HSPA12B: variants seen among roughly 807,000 people sequenced by gnomAD.
The protein encoded by HSPA12B is heat shock 70 kDa protein 12B.
A neutral mutation model predicts 69.3 loss-of-function variants in HSPA12B; 54 were observed. The ratio of observed to expected loss-of-function variants is 0.78; its 90% confidence interval spans 0.63 to 0.98. HSPA12B has a LOEUF of 0.98. HSPA12B is among the 50% of genes least tolerant of loss of function. The pLI, the probability that HSPA12B is intolerant of heterozygous loss-of-function variation, is 0.00. For missense variants in HSPA12B, 929 were observed against 999.8 expected (o/e 0.93, Z 0.96); for synonymous variants, 441 against 436.5 (o/e 1.01, Z -0.13).
At position 3,748,404 on chromosome 20, in the gene HSPA12B, CG is replaced by C; in HGVS notation, c.850+17del. 1.9e-6 allele frequency: 3 copies of C among 1,568,312 alleles called. No individual in the cohort carries two copies. Among genetic ancestry groups the C allele is most frequent in the Admixed American group, 1.8e-5 (1 of 55,504 alleles). On this transcript the variant is annotated intron_variant, in intron 8 of 12. Coordinates refer to ENST00000254963, the MANE Select transcript of HSPA12B (RefSeq NM_052970.5). ...AGCTTCCGTCAGGGTGAGCTGCCCCCGGGGACACCACCCACCCCTGGAGGGT... is the reference window on the plus strand; with the variant it reads ...AGCTTCCGTCAGGGTGAGCTGCCCCCGGGACACCACCCACCCCTGGAGGGT...
Position 3,744,775 on chromosome 20 carries a change from A to T in HSPA12B, c.267-127A>T. 1.3e-6 allele frequency: 1 copy of T among 787,380 alleles called. No homozygotes were observed. The highest frequency in any genetic ancestry group is 1.7e-5 in the South Asian group (1 of 59,552). The allele number at this position is 787,380 out of a possible 1,614,324, so 48.8% of individuals were successfully genotyped here. ...ATTCTTGTGTTTTCTCCTGCTGCCT[A>T]TGGAGCCGACCCATAGCTAGTTCTC... On this transcript the variant is annotated intron_variant, in intron 4 of 12. Transcript: ENST00000254963. The surrounding 1 kb of genome is among the most constrained non-coding windows in gnomAD (Gnocchi z 4.9).
At chr20:3,751,390 G>A in intron 12 of HSPA12B, 121 bp from the exon 13 acceptor site, 1 of 1,345,582 alleles carries the variant, frequency 7.4e-7, no homozygotes, top group Non-Finnish European at 9.5e-7. Context: ...TAGTCGCCAG[G>A]TAGGTACAGG....
intron 7 of HSPA12B, among the ~76,000 whole-genome samples, chr20:3,746,301 CTTTT>C (rs11473544): frequency 1.2e-4 from 11 of 89,234 alleles, no homozygotes; most frequent in East Asian, 8.0e-4. Flanking sequence ...GATGGAGAGT[CTTTT>C]TTTTTTTTTT....
intron 11 of HSPA12B, 136 bp downstream of exon 11, chr20:3,750,363 G>A (rs1247224356): frequency 1.0e-6 from 1 of 1,003,608 alleles, no homozygotes. Flanking sequence ...GCAGGGCGTC[G>A]GGGTGGGGCG....
At chr20:3,747,682 G>C (rs1345364127) in intron 7 of HSPA12B, among the ~76,000 whole-genome samples, 1 of 152,354 alleles carries the variant, frequency 6.6e-6, no homozygotes, top group Admixed American at 6.5e-5. Context: ...CCTCCCTGCT[G>C]TATCAGATTC....
intron 4 of HSPA12B, 105 bp downstream of exon 4, chr20:3,742,513 C>A (rs368041274): frequency 3.4e-6 from 3 of 891,866 alleles, no homozygotes; most frequent in East Asian, 2.5e-5. Context: ...CTTGGAGGCC[C>A]TGCCACCCCC....
rs2088376948 is a variant in HSPA12B, at chr20:3,749,824, G to A, written c.1012G>A (p.Gly338Ser). ...LTVHQLEQPH[G>S]TLKELYKASG... Reference sequence around the variant, plus strand: ...GGTGCACCAGCTGGAGCAGCCCCATGGCACCCTCAAGGAGCTCTACAAGGC... The same window carrying A: ...GGTGCACCAGCTGGAGCAGCCCCATAGCACCCTCAAGGAGCTCTACAAGGC... The change falls in exon 10 of 13, where the codon GGC becomes AGC. Residue 338 changes from glycine to serine, a missense_variant. Coordinates refer to ENST00000254963, the MANE Select transcript of HSPA12B (RefSeq NM_052970.5). This position sits in a 1 kb window ranked among gnomAD's most constrained non-coding sequence, Gnocchi z 5.5. 1.2e-6 allele frequency: 2 copies of A among 1,608,862 alleles called. No homozygotes were observed. The highest frequency in any genetic ancestry group is 1.7e-6 in the Non-Finnish European group (2 of 1,178,452).
rs1265460585 is a variant in HSPA12B, at chr20:3,738,371, G to A, written c.-17-287G>A. On this transcript the variant is annotated intron_variant, in intron 1 of 12. Transcript: ENST00000254963. Reference sequence around the variant, plus strand: ...TTAGGAGGATCCTGATTCCAAGAAAGTAAAGCCATTTTTTGACACAAGCTG... The same window carrying A: ...TTAGGAGGATCCTGATTCCAAGAAAATAAAGCCATTTTTTGACACAAGCTG... Among the ~76,000 whole-genome samples, 3 of 152,310 alleles carry A rather than the reference G, an allele frequency of 2.0e-5. 1 individual carries two copies. Among genetic ancestry groups the A allele is most frequent in the South Asian group, 4.1e-4 (2 of 4,826 alleles).
In HSPA12B at chr20:3,751,943, C is replaced by A; in HGVS notation, c.1838C>A (p.Ala613Glu). Reference protein sequence around the residue: ...RVLINLYCCAAEDARFITDPG... With the variant: ...RVLINLYCCAEEDARFITDPG... ...CTCATCAACCTGTACTGCTGCGCGGCAGAGGATGCGCGCTTCATCACCGAC... is the reference window on the plus strand; with the variant it reads ...CTCATCAACCTGTACTGCTGCGCGGAAGAGGATGCGCGCTTCATCACCGAC... Residue 613 changes from alanine to glutamate, a missense_variant, in exon 13 of 13, where the codon GCA becomes GAA. Ala to Glu is a moderately radical substitution (Grantham distance 107). Transcript: ENST00000254963. The A allele has an allele frequency of 6.3e-7, 1 of 1,586,686 alleles. No homozygotes were observed. Among genetic ancestry groups the A allele is most frequent in the Non-Finnish European group, 8.5e-7 (1 of 1,171,460 alleles).
intron 1 of HSPA12B, among the ~76,000 whole-genome samples, chr20:3,738,144 G>A (rs1039681751): frequency 1.3e-5 from 2 of 152,130 alleles, no homozygotes; most frequent in Non-Finnish European, 2.9e-5. Context: ...GCCCAGCCCA[G>A]CCCTCTGTCC....
At position 3,751,797 on chromosome 20, in the gene HSPA12B, C is replaced by T; in HGVS notation, c.1692C>T (p.Arg564=). 6.5e-7 allele frequency: 1 copy of T among 1,528,374 alleles called. No individual in the cohort carries two copies. The highest frequency in any genetic ancestry group is 8.7e-7 in the Non-Finnish European group (1 of 1,143,402). The allele number at this position is 1,528,374 out of a possible 1,614,324, so 94.7% of individuals were successfully genotyped here. ...ACCCGCCCGAAAAGCTGCTGGTTCG[C>T]GACGGCCGCCGCTGGTGCACCGACG... ...GRHPPEKLLV[R]DGRRWCTDVF... is the part of the protein sequence containing the mutation. Residue 564 remains arginine (R), a synonymous_variant, in exon 13 of 13, where the codon CGC becomes CGT. Coordinates refer to ENST00000254963, the MANE Select transcript of HSPA12B (RefSeq NM_052970.5).
intron 11 of HSPA12B, 136 bp from the exon 12 acceptor site, chr20:3,750,668 T>G: frequency 6.4e-7 from 1 of 1,558,178 alleles, no homozygotes; most frequent in Non-Finnish European, 8.7e-7. Flanking sequence ...GGTCCAGTCC[T>G]CCAGACACCA....
chr20:3,741,735 GCTTAGGGACCCCCTTATT>G (rs935190606), intron 3 of HSPA12B, among the ~76,000 whole-genome samples: 7 of 152,184 alleles, frequency 4.6e-5, no homozygotes, highest in Non-Finnish European at 8.8e-5. Flanking sequence ...TGGTGATCCA[GCTTAGGGACCCCCTTATT>G]CTTAGGGGAG....
intron 7 of HSPA12B, 78 bp from the exon 8 acceptor site, chr20:3,748,139 C>A (rs936389282): frequency 4.6e-6 from 6 of 1,293,034 alleles, no homozygotes; most frequent in Non-Finnish European, 5.2e-6. Flanking sequence ...CCACAGGCCG[C>A]GGTTCCCCAC....
At chr20:3,741,033 C>A in intron 3 of HSPA12B, 121 bp downstream of exon 3, 6 of 734,246 alleles carry the variant, frequency 8.2e-6, no homozygotes, top group Non-Finnish European at 1.3e-5. Context: ...AGCACCATGC[C>A]TCTTGTCCCC....
chr20:3,741,463 T>G (rs1181839618), intron 3 of HSPA12B, among the ~76,000 whole-genome samples: 1 of 151,894 alleles, frequency 6.6e-6, no homozygotes, highest in Non-Finnish European at 1.5e-5. Flanking sequence ...CGAAACCCCA[T>G]CTCTACAAAA....
At chr20:3,746,463 C>T (rs1304368481) in intron 7 of HSPA12B, among the ~76,000 whole-genome samples, 2 of 152,050 alleles carry the variant, frequency 1.3e-5, no homozygotes, top group East Asian at 1.9e-4. Flanking sequence ...CCACCACGCC[C>T]GGCTAATTTT....
intron 12 of HSPA12B, 153 bp from the exon 13 acceptor site, chr20:3,751,358 A>C (rs2088416781): frequency 1.0e-6 from 1 of 985,338 alleles, no homozygotes; most frequent in East Asian, 1.1e-4. Context: ...CTCTCAAAGA[A>C]AGTGCTCAAA....
At position 3,738,724 on chromosome 20, in the gene HSPA12B, AC is replaced by A. The variant is rs1354072414; in HGVS notation, c.43+12del. ...CTGCAGGGGCTGTACATCGGTAAGA[AC>A]CCCCACCATTCTGCCCTGACCCATC... On this transcript the variant is annotated splice_region_variant and intron_variant, in intron 2 of 12. Coordinates refer to ENST00000254963, the MANE Select transcript of HSPA12B (RefSeq NM_052970.5). 1 of 1,613,788 alleles carries A rather than the reference AC, an allele frequency of 6.2e-7. No individual in the cohort carries two copies. The highest frequency in any genetic ancestry group is 1.1e-5 in the South Asian group (1 of 91,040).
Sources: allele counts gnomAD v4.1 joint callset (sites outside exome capture counted in the v4.1 genomes callset), GRCh38; gene constraint gnomAD v4.1.1; non-coding constraint Gnocchi (gnomAD v3.1); transcripts MANE v1.5; gene names NCBI Gene and HGNC (gene_info 2026-07-23, HGNC 2026-07-21).